The following CASK variants were observed in gnomAD, a reference collection of about 807,000 sequenced individuals.
CASK encodes peripheral plasma membrane protein CASK.
A neutral mutation model predicts 82.9 loss-of-function variants in CASK; 4 were observed. The observed-to-expected ratio is 0.05, with a 90% CI of 0.02 to 0.11. The LOEUF is 0.11. CASK is among the 10% of genes least tolerant of loss of function. The pLI is 1.00. For synonymous variants in CASK, 259 were observed against 253.5 expected (o/e 1.02, Z -0.20); for missense variants, 358 against 720.9 (o/e 0.50, Z 5.76).
At chrX:41,796,544 G>A (rs1006682410) in intron 2 of CASK, among the ~76,000 whole-genome samples, 31 of 111,556 alleles carry the variant, frequency 2.8e-4, no homozygotes, top group Non-Finnish European at 5.6e-5. Flanking sequence ...CACATATTTC[G>A]TAAAAAACCT....
intron 12 of CASK, among the ~76,000 whole-genome samples, chrX:41,595,590 G>A (rs1006648199): frequency 2.7e-5 from 3 of 111,474 alleles, no homozygotes; most frequent in African/African-American, 6.5e-5. Context: ...ATGAGACTCT[G>A]TTTGGGGTAC....
intron 5 of CASK, among the ~76,000 whole-genome samples, chrX:41,682,056 A>T (rs961330119): frequency 1.7e-3 from 72 of 42,730 alleles, no homozygotes; most frequent in African/African-American, 3.7e-3. Flanking sequence ...GGACCATTGT[A>T]AAAAAAAAAA....
intron 12 of CASK, among the ~76,000 whole-genome samples, chrX:41,600,336 A>G (rs1472834147): frequency 1.8e-5 from 2 of 112,377 alleles, no homozygotes; most frequent in Non-Finnish European, 3.8e-5. Context: ...AGAGAAGAAA[A>G]CAGCTATGTT....
At chrX:41,654,191 A>G (rs1198243727) in intron 8 of CASK, among the ~76,000 whole-genome samples, 1 of 112,252 alleles carries the variant, frequency 8.9e-6, no homozygotes, top group African/African-American at 3.2e-5. Context: ...TAATTAACAA[A>G]AGACTGGGGA....
At chrX:41,897,579 T>C (rs943534999) in intron 1 of CASK, among the ~76,000 whole-genome samples, 2 of 111,698 alleles carry the variant, frequency 1.8e-5, no homozygotes, top group Non-Finnish European at 3.8e-5. Flanking sequence ...TAAAGTCATG[T>C]AGTTGATGAA....
intron 2 of CASK, among the ~76,000 whole-genome samples, chrX:41,788,158 C>CA (rs372992298): frequency 0.059 from 2,466 of 41,752 alleles, 76 homozygotes; most frequent in African/African-American, 0.11. Flanking sequence ...AACTCTGTCT[C>CA]AAAAAAAAAA....
At chrX:41,728,794 C>T (rs1432289988) in intron 5 of CASK, 2 of 123,075 alleles carry the variant, frequency 1.6e-5, no homozygotes, top group African/African-American at 6.5e-5. Context: ...AAGAAATATC[C>T]TCATTCACAT....
intron 2 of CASK, among the ~76,000 whole-genome samples, chrX:41,817,304 A>T (rs1429629464): frequency 8.9e-6 from 1 of 112,053 alleles, no homozygotes; most frequent in Non-Finnish European, 1.9e-5. Context: ...TCTCTAAGGA[A>T]TAAGAAAACA....
intron 18 of CASK, among the ~76,000 whole-genome samples, chrX:41,557,961 C>T (rs1224582264): frequency 1.8e-5 from 2 of 110,302 alleles, no homozygotes; most frequent in Non-Finnish European, 3.8e-5. Context: ...CATTTTTTTT[C>T]CCCAGATGAC....
chrX:41,718,697 C>T (rs1177751156), intron 5 of CASK, among the ~76,000 whole-genome samples: 1 of 111,430 alleles, frequency 9.0e-6, no homozygotes, highest in Non-Finnish European at 1.9e-5. Context: ...GCATTGTTAC[C>T]GATCATGGGT....
chrX:41,910,175 T>C (rs1227668685), intron 1 of CASK, among the ~76,000 whole-genome samples: 2 of 109,409 alleles, frequency 1.8e-5, no homozygotes, highest in Admixed American at 1.9e-4. Context: ...TGAGCAGAGA[T>C]CACACCATTG....
intron 2 of CASK, among the ~76,000 whole-genome samples, chrX:41,809,924 G>A (rs985877413): frequency 2.9e-4 from 33 of 112,310 alleles, no homozygotes; most frequent in Admixed American, 2.2e-3. Flanking sequence ...ATCATGGCAC[G>A]AGAACTACGT....
intron 5 of CASK, chrX:41,727,372 A>C (rs749603340): frequency 8.3e-7 from 1 of 1,209,310 alleles, no homozygotes; most frequent in Admixed American, 2.2e-5. Flanking sequence ...GATTGCCATA[A>C]GCCGCTATGC....
chrX:41,634,414 G>A (rs2066521913), intron 9 of CASK, among the ~76,000 whole-genome samples: 1 of 112,684 alleles, frequency 8.9e-6, no homozygotes, highest in African/African-American at 3.2e-5. Context: ...GTTGTTTGGT[G>A]GGTCTTAAAA....
At chrX:41,608,270 T>A (rs1178146568) in intron 12 of CASK, among the ~76,000 whole-genome samples, 1 of 112,237 alleles carries the variant, frequency 8.9e-6, no homozygotes, top group African/African-American at 3.2e-5. Flanking sequence ...CTCAGAGCTA[T>A]CAATATACCA....
Position 41,551,740 on chromosome X carries a change from T to C in CASK, c.2039+1979A>G, listed in dbSNP as rs72626419. Among the ~76,000 whole-genome samples, 394 of 107,770 alleles carry C rather than the reference T, an allele frequency of 3.7e-3. 10 individuals carry two copies. The East Asian group carries it at 0.09, about 25-fold the overall frequency. 93.6% of individuals were successfully genotyped at this position (107,770 alleles called of 115,157 possible). A position where few individuals can be genotyped will look rare whatever the true frequency, so the allele number is the denominator to read the frequency against. Reference sequence around the variant, plus strand: ...TGAAACCCTGTCTCTACTAAAAATATGTGGTGGCGGGTGCCTGTAATCCCA... The same window carrying C: ...TGAAACCCTGTCTCTACTAAAAATACGTGGTGGCGGGTGCCTGTAATCCCA... On this transcript the variant is annotated intron_variant, in intron 21 of 26. Transcript: ENST00000378163.
intron 5 of CASK, among the ~76,000 whole-genome samples, chrX:41,737,217 G>A (rs965367038): frequency 1.8e-5 from 2 of 111,579 alleles, no homozygotes; most frequent in Non-Finnish European, 3.8e-5. Flanking sequence ...CGCAAAGAGC[G>A]CCCAGCCAGC....
chrX:41,538,831 A>G (rs1337873467), intron 22 of CASK, among the ~76,000 whole-genome samples: 1 of 112,064 alleles, frequency 8.9e-6, no homozygotes, highest in Non-Finnish European at 1.9e-5. Context: ...GCACACTGGT[A>G]GCATTGGGTT....
At chrX:41,830,761 A>G (rs1337801250) in intron 2 of CASK, among the ~76,000 whole-genome samples, 2 of 99,005 alleles carry the variant, frequency 2.0e-5, no homozygotes, top group Admixed American at 2.3e-4. Flanking sequence ...CGGAGCTTGC[A>G]GTGAGCCGAG....
Sources: allele counts gnomAD v4.1 joint callset (sites outside exome capture counted in the v4.1 genomes callset), GRCh38; gene constraint gnomAD v4.1.1; transcripts MANE v1.5; gene names NCBI Gene and HGNC (gene_info 2026-07-23, HGNC 2026-07-21).